LNPEP: variants seen among roughly 807,000 people sequenced by gnomAD.
The protein encoded by LNPEP is leucyl-cystinyl aminopeptidase.
LNPEP carries 64 observed loss-of-function variants against 120.6 expected under a neutral mutation model. The observed-to-expected ratio is 0.53, with a 90% CI of 0.43 to 0.65. The LOEUF (loss-of-function observed/expected upper bound fraction) is 0.65. LNPEP is among the 30% of genes least tolerant of loss of function. The pLI, the probability that LNPEP is intolerant of heterozygous loss-of-function variation, is 0.00. For missense variants in LNPEP, 1,057 were observed against 1,200.0 expected (o/e 0.88, Z 1.76); for synonymous variants, 435 against 425.4 (o/e 1.02, Z -0.28).
chr5:96,987,334 CA>C (rs1790265633), intron 4 of LNPEP, among the ~76,000 whole-genome samples: 1 of 152,092 alleles, frequency 6.6e-6, no homozygotes, highest in Non-Finnish European at 1.5e-5. Context: ...ATACTGACAA[CA>C]TAGAAGGAGA....
intron 1 of LNPEP, among the ~76,000 whole-genome samples, chr5:96,959,430 G>T (rs1789547120): frequency 6.6e-6 from 1 of 152,090 alleles, no homozygotes; most frequent in Non-Finnish European, 1.5e-5. Context: ...GTAGTCTTTT[G>T]TGGGTAGAGT....
intron 1 of LNPEP, among the ~76,000 whole-genome samples, chr5:96,941,973 G>A (rs1789064654): frequency 6.6e-6 from 1 of 152,166 alleles, no homozygotes; most frequent in African/African-American, 2.4e-5. Flanking sequence ...GGACACTGTT[G>A]TATGAGGTTG....
At chr5:97,024,778 C>A in intron 15 of LNPEP, 96 bp downstream of exon 15, 1 of 1,149,094 alleles carries the variant, frequency 8.7e-7, no homozygotes, top group Non-Finnish European at 1.2e-6. Context: ...ATCTCTTTTC[C>A]CCACTTCTGT....
chr5:96,944,329 A>T (rs1004005063), intron 1 of LNPEP, among the ~76,000 whole-genome samples: 4 of 152,176 alleles, frequency 2.6e-5, no homozygotes, highest in African/African-American at 7.2e-5. Context: ...ATAATGTGTG[A>T]CCAAGGCCCA....
At chr5:96,944,487 A>T (rs1219007323) in intron 1 of LNPEP, among the ~76,000 whole-genome samples, 2 of 150,860 alleles carry the variant, frequency 1.3e-5, no homozygotes, top group East Asian at 3.9e-4. Context: ...AAAGGGGATA[A>T]CTCAAAGCGG....
intron 1 of LNPEP, among the ~76,000 whole-genome samples, chr5:96,938,022 C>A (rs1788960635): frequency 6.6e-6 from 1 of 152,188 alleles, no homozygotes; most frequent in African/African-American, 2.4e-5. Context: ...TATTTAGCAT[C>A]CTTTTACAAG....
In LNPEP at chr5:96,944,560, C is replaced by CTTTTTTTT. The variant is rs60017687; in HGVS notation, c.19+8405_19+8412dup. Among the ~76,000 whole-genome samples, 23 of 56,352 alleles carry CTTTTTTTT rather than the reference C, an allele frequency of 4.1e-4. 1 individual carries two copies. Among genetic ancestry groups the CTTTTTTTT allele is most frequent in the South Asian group, 7.1e-4 (1 of 1,402 alleles). The allele number at this position is 56,352 out of a possible 152,430, so 37.0% of individuals were successfully genotyped here. On this transcript the variant is annotated intron_variant, in intron 1 of 17. Transcript: ENST00000231368. ...TTCTTTTTTGTTTTTCTTATTTTTG[C>CTTTTTTTT]TTTTTTTTTTTTTTTTTTTTTTTTT...
In LNPEP at chr5:97,036,315, G is replaced by C. The variant is rs1791571609; in HGVS notation, c.*7782G>C. Reference sequence around the variant, plus strand: ...GCCCTTTCTTACCCAGAGGTCTTTTGTGTGACTGCATCTTTCTCCTCCGTT... The same window carrying C: ...GCCCTTTCTTACCCAGAGGTCTTTTCTGTGACTGCATCTTTCTCCTCCGTT... On this transcript the variant is annotated 3_prime_UTR_variant, in exon 18 of 18. Coordinates refer to ENST00000231368, the MANE Select transcript of LNPEP (RefSeq NM_005575.3). 6.6e-6 allele frequency: 1 copy of C among 152,072 alleles called. No individual in the cohort carries two copies. Among genetic ancestry groups the C allele is most frequent in the South Asian group, 2.1e-4 (1 of 4,828 alleles). 9.4% of individuals were successfully genotyped at this position (152,072 alleles called of 1,614,324 possible).
intron 1 of LNPEP, among the ~76,000 whole-genome samples, chr5:96,976,449 A>G (rs1789997859): frequency 6.6e-6 from 1 of 152,188 alleles, no homozygotes; most frequent in South Asian, 2.1e-4. Flanking sequence ...GACAGGAGAT[A>G]CCAAATTGTC....
chr5:97,016,495 G>A (rs1306089334), intron 13 of LNPEP, among the ~76,000 whole-genome samples: 1 of 152,108 alleles, frequency 6.6e-6, no homozygotes, highest in African/African-American at 2.4e-5. Context: ...AAGTGATAAA[G>A]CTGAAATTCA....
rs1445397013 is a variant in LNPEP at position 97,027,721 on chromosome 5, G to A, written c.2865-12G>A. 2 of 1,554,762 alleles carry A rather than the reference G, an allele frequency of 1.3e-6. No homozygotes were observed. Among genetic ancestry groups the A allele is most frequent in the Non-Finnish European group, 1.8e-6 (2 of 1,127,314 alleles). ...GCCTAATCTTTTTGCTCTTGTTTTT[G>A]TGTTTCTTCAGGTTCCCTCTGGGGT... On this transcript the variant is annotated splice_polypyrimidine_tract_variant and intron_variant, in intron 16 of 17. Transcript: ENST00000231368.
chr5:96,940,556 AAAT>A (rs1374162407), intron 1 of LNPEP, among the ~76,000 whole-genome samples: 2 of 152,222 alleles, frequency 1.3e-5, no homozygotes, highest in Non-Finnish European at 1.5e-5. Context: ...AACACAGAAG[AAAT>A]AAAAAAGCAA....
At chr5:96,984,314 G>A (rs1199077400) in intron 2 of LNPEP, among the ~76,000 whole-genome samples, 1 of 152,150 alleles carries the variant, frequency 6.6e-6, no homozygotes, top group Non-Finnish European at 1.5e-5. Flanking sequence ...AAAGACATAA[G>A]TGATTAACTT....
At chr5:96,939,633 A>G (rs1353466451) in intron 1 of LNPEP, among the ~76,000 whole-genome samples, 2 of 152,078 alleles carry the variant, frequency 1.3e-5, no homozygotes, top group African/African-American at 4.8e-5. Flanking sequence ...TGTAGGTCCT[A>G]TGAATCACTT....
At position 97,006,077 on chromosome 5, in the gene LNPEP, C is replaced by G; in HGVS notation, c.1790C>G (p.Thr597Arg). 2 of 1,411,164 alleles carry G rather than the reference C, an allele frequency of 1.4e-6. No homozygotes were observed. The highest frequency in any genetic ancestry group is 1.9e-6 in the Non-Finnish European group (2 of 1,060,462). The allele number at this position is 1,411,164 out of a possible 1,614,324, so 87.4% of individuals were successfully genotyped here. A position where few individuals can be genotyped will look rare whatever the true frequency, so the allele number is the denominator to read the frequency against. ...DDLWDSFNEVTNQTLDVKRMM... is the reference protein window; with the variant it reads ...DDLWDSFNEVRNQTLDVKRMM... ...ATATATATATATATTTTGTAGGTCACAAACCAAACACTAGATGTAAAGAGA... is the reference window on the plus strand; with the variant it reads ...ATATATATATATATTTTGTAGGTCAGAAACCAAACACTAGATGTAAAGAGA... The change falls in exon 10 of 18, where the codon ACA becomes AGA. Residue 597 changes from threonine (T) to arginine (R), a missense_variant. Coordinates refer to ENST00000231368, the MANE Select transcript of LNPEP (RefSeq NM_005575.3).
chr5:96,995,158 G>T (rs949411272), intron 6 of LNPEP, among the ~76,000 whole-genome samples: 3 of 152,098 alleles, frequency 2.0e-5, no homozygotes, highest in Non-Finnish European at 2.9e-5. Context: ...TCTCCTCTAG[G>T]TCTGTTATTT....
In LNPEP at chr5:96,998,272, TA is replaced by T. The variant is rs1418655819; in HGVS notation, c.1653+131del. On this transcript the variant is annotated intron_variant, in intron 8 of 17. Transcript: ENST00000231368. ...TTTTTCAGGTATTAATGGTAAACTA[TA>T]AAATGTTTGCTTCTGTATAAATCTT... is the stretch of plus-strand genomic sequence containing the variant. The T allele has an allele frequency of 1.3e-5, 10 of 756,894 alleles. No homozygotes were observed. In the Admixed American group the frequency reaches 3.6e-4, roughly 28 times the overall value. The allele number at this position is 756,894 out of a possible 1,614,324, so 46.9% of individuals were successfully genotyped here.
rs138609167 is a variant in LNPEP, at chr5:96,969,637, G to C, written c.20-9501G>C. On this transcript the variant is annotated intron_variant, in intron 1 of 17. Transcript: ENST00000231368. ...TGGATTTTTGGGCCAGTTTCTAGGAGAATATGAGTTAGAGCCGTCCACACT... is the reference window on the plus strand; with the variant it reads ...TGGATTTTTGGGCCAGTTTCTAGGACAATATGAGTTAGAGCCGTCCACACT... Among the ~76,000 whole-genome samples, 388 of 152,078 alleles carry C rather than the reference G, an allele frequency of 2.6e-3. 3 individuals are homozygous for C. The highest frequency in any genetic ancestry group is 8.1e-3 in the South Asian group (39 of 4,826).
chr5:97,013,316 C>T (rs547541933), intron 11 of LNPEP, among the ~76,000 whole-genome samples: 1 of 152,210 alleles, frequency 6.6e-6, no homozygotes, highest in South Asian at 2.1e-4. Flanking sequence ...TGAATGCTGT[C>T]TTTTCTTTTT....
Sources: allele counts gnomAD v4.1 joint callset (sites outside exome capture counted in the v4.1 genomes callset), GRCh38; gene constraint gnomAD v4.1.1; transcripts MANE v1.5; gene names NCBI Gene and HGNC (gene_info 2026-07-23, HGNC 2026-07-21).